Variants in RMDN2 observed in about 807,000 individuals in gnomAD.
The protein encoded by RMDN2 is regulator of microtubule dynamics protein 2.
In RMDN2, 61 loss-of-function variants were observed where a neutral mutation model predicts 52.8. The ratio of observed to expected loss-of-function variants is 1.16; its 90% CI spans 0.94 to 1.43. The LOEUF is 1.43. Among genes scored for constraint, RMDN2 ranks in the 40% most tolerant of loss-of-function variants. The probability of loss-of-function intolerance (pLI) is 0.00; values close to 1 mark genes in which losing one functional copy is unlikely to be tolerated. For missense variants in RMDN2, 592 were observed against 475.3 expected (o/e 1.25, Z -2.28); for synonymous variants, 180 against 153.1 (o/e 1.18, Z -1.30).
At chr2:37,990,074 C>T (rs1017312573) in intron 6 of RMDN2, among the ~76,000 whole-genome samples, 10 of 142,508 alleles carry the variant, frequency 7.0e-5, no homozygotes, top group Non-Finnish European at 9.0e-5. Context: ...ACCTGGGGGG[C>T]GGAGCTTGCA....
intron 10 of RMDN2, among the ~76,000 whole-genome samples, chr2:38,004,967 C>A (rs368945796): frequency 3.3e-5 from 5 of 151,782 alleles, no homozygotes; most frequent in East Asian, 3.9e-4. Flanking sequence ...TTTGTCCTTG[C>A]GATAGTTTGC....
chr2:38,021,519 A>G (rs1318442398), downstream of RMDN2, among the ~76,000 whole-genome samples: 1 of 152,062 alleles, frequency 6.6e-6, no homozygotes, highest in Non-Finnish European at 1.5e-5. Flanking sequence ...AGCCAGCGAG[A>G]CCACAAACCC....
intron 10 of RMDN2, among the ~76,000 whole-genome samples, chr2:38,008,988 T>A (rs1292381469): frequency 1.3e-5 from 2 of 152,226 alleles, no homozygotes; most frequent in African/African-American, 2.4e-5. Context: ...GGATATGAAA[T>A]TCTGGGTTGA....
chr2:37,941,885 C>G (rs991752560), intron 2 of RMDN2, among the ~76,000 whole-genome samples: 1 of 151,788 alleles, frequency 6.6e-6, no homozygotes, highest in African/African-American at 2.4e-5. Flanking sequence ...CTTCAGCCCC[C>G]TTTCCAGGGG....
intron 2 of RMDN2, chr2:37,950,107 G>C (rs1330508946): frequency 5.8e-6 from 1 of 172,420 alleles, no homozygotes; most frequent in East Asian, 1.5e-4. Flanking sequence ...TTGCTTTTCC[G>C]TATCACTGAA....
chr2:38,039,997 G>A (rs1277427203), intron 10 of RMDN2, among the ~76,000 whole-genome samples: 2 of 151,300 alleles, frequency 1.3e-5, no homozygotes, highest in African/African-American at 4.9e-5. Context: ...GGTCCATGAT[G>A]CATTTTGAGT....
rs192440600 is a variant in RMDN2 at position 38,053,173 on chromosome 2, C to T, written c.1714-13809C>T. The stretch of plus-strand genomic sequence containing the variant: ...GGTGGTTGACTAAAGATTATCCCTA[C>T]AATAACATGATTTTCTTACTCAAAT... On this transcript the variant is annotated intron_variant, in intron 10 of 10. Coordinates refer to the RMDN2 transcript ENST00000234195. 3.9e-5 allele frequency among the ~76,000 whole-genome samples: 6 copies of T among 152,262 alleles called. No individual in the cohort carries two copies. The East Asian group carries it at 9.6e-4, about 24-fold the overall frequency.
intron 10 of RMDN2, among the ~76,000 whole-genome samples, chr2:38,056,624 T>G (rs1427795462): frequency 6.6e-6 from 1 of 152,196 alleles, no homozygotes; most frequent in East Asian, 1.9e-4. Flanking sequence ...CATATAATAA[T>G]TCTCCCAAAC....
chr2:37,967,829 C>T lies in RMDN2; in HGVS notation c.453-6211C>T, dbSNP rs549183702. On this transcript the variant is annotated intron_variant, in intron 2 of 10. Coordinates refer to ENST00000354545, the MANE Select transcript of RMDN2 (RefSeq NM_001170791.3). ...ATCTTAAAAAAAATTTTTTAAAGCA[C>T]CAATTTTTCTTCAGTTAATAATGTA... Among the ~76,000 whole-genome samples, 11 of 152,224 alleles carry T rather than the reference C, an allele frequency of 7.2e-5. 1 individual carries two copies. The South Asian group carries it at 2.1e-3, about 29-fold the overall frequency.
At chr2:37,966,884 G>C (rs558250337) in intron 2 of RMDN2, among the ~76,000 whole-genome samples, 4 of 152,176 alleles carry the variant, frequency 2.6e-5, no homozygotes, top group African/African-American at 9.6e-5. Flanking sequence ...ACACTAAGAA[G>C]GATAAGACAT....
intron 10 of RMDN2, among the ~76,000 whole-genome samples, chr2:38,042,428 A>AC (rs1273273175): frequency 8.1e-5 from 11 of 136,590 alleles, no homozygotes; most frequent in African/African-American, 3.6e-4. Flanking sequence ...CACACACCAC[A>AC]CACACACACA....
intron 4 of RMDN2, among the ~76,000 whole-genome samples, chr2:37,977,835 G>A (rs1378830667): frequency 6.6e-6 from 1 of 151,852 alleles, no homozygotes; most frequent in Non-Finnish European, 1.5e-5. Flanking sequence ...TCAGTTCCCA[G>A]ACTGGGCGGC....
intron 3 of RMDN2, 58 bp downstream of exon 3, chr2:37,974,272 C>T: frequency 9.0e-7 from 1 of 1,109,282 alleles, no homozygotes; most frequent in Admixed American, 2.6e-5. Flanking sequence ...AATCTGCCAT[C>T]TGTTTCAGTT....
rs575374530 is a variant in RMDN2 at position 37,951,736 on chromosome 2, A to G, written c.452+22007A>G. 225 of 1,612,716 alleles carry G rather than the reference A, an allele frequency of 1.4e-4. 1 individual carries two copies. In the South Asian group the frequency reaches 2.0e-3, roughly 14 times the overall value. ...TCAAGTAATACTGATGCTAAAAAACATATAACCATCTCTGCTCCTGAATAT... is the reference window on the plus strand; with the variant it reads ...TCAAGTAATACTGATGCTAAAAAACGTATAACCATCTCTGCTCCTGAATAT... On this transcript the variant is annotated intron_variant, in intron 2 of 10. Transcript: ENST00000354545.
chr2:38,054,444 C>T lies in RMDN2; in HGVS notation c.1714-12538C>T, dbSNP rs562598975. On this transcript the variant is annotated intron_variant, in intron 10 of 10. Coordinates refer to the RMDN2 transcript ENST00000234195. ...TCTGCAAGTATTTTTTAAATTTTTG[C>T]TCCACTTTAAATACACAGAAACTAC... Among the ~76,000 whole-genome samples the T allele has an allele frequency of 2.0e-3, 309 of 152,270 alleles. 1 individual carries two copies. Among genetic ancestry groups the T allele is most frequent in the Non-Finnish European group, 3.4e-3 (228 of 68,008 alleles).
chr2:38,009,237 T>G (rs1479031418), intron 10 of RMDN2, among the ~76,000 whole-genome samples: 1 of 152,338 alleles, frequency 6.6e-6, no homozygotes, highest in South Asian at 2.1e-4. Flanking sequence ...ATTTCCTGAA[T>G]TTGAATGTTG....
rs1172680444 is a variant in RMDN2 at position 38,017,280 on chromosome 2, C to G, written c.*41C>G. On this transcript the variant is annotated 3_prime_UTR_variant, in exon 11 of 11. Transcript: ENST00000354545. ...CTTCAACAAATCAGATGTGGTCTAC[C>G]AAAATTTAAATGAATCAAAGTTGTG... is the stretch of plus-strand genomic sequence containing the variant. The G allele has an allele frequency of 1.4e-6, 2 of 1,474,118 alleles. No individual in the cohort carries two copies. The highest frequency in any genetic ancestry group is 1.4e-5 in the African/African-American group (1 of 70,158). 91.3% of individuals were successfully genotyped at this position (1,474,118 alleles called of 1,614,324 possible). A position where few individuals can be genotyped will look rare whatever the true frequency, so the allele number is the denominator to read the frequency against.
intron 10 of RMDN2, among the ~76,000 whole-genome samples, chr2:38,060,444 C>T (rs1400578104): frequency 6.6e-6 from 1 of 152,128 alleles, no homozygotes; most frequent in Non-Finnish European, 1.5e-5. Context: ...CTTTTTTCCT[C>T]AATATCAGTG....
intron 10 of RMDN2, chr2:38,030,450 G>A (rs1165304868): frequency 2.6e-5 from 4 of 152,100 alleles, no homozygotes; most frequent in African/African-American, 9.7e-5. Context: ...ATTTAGTGCA[G>A]TCACAGAGGA....
Sources: gnomAD v4.1 joint callset for allele counts (sites outside exome capture counted in the v4.1 genomes callset) on GRCh38, gnomAD v4.1.1 for gene constraint, MANE v1.5 for transcripts, NCBI Gene and HGNC (gene_info 2026-07-23, HGNC 2026-07-21) for gene names.